The following CDK5RAP2 variants were observed in gnomAD, a reference collection of about 807,000 sequenced individuals.
CDK5RAP2 encodes the protein CDK5 regulatory subunit-associated protein 2.
CDK5RAP2 carries 147 observed loss-of-function variants against 232.9 expected under a neutral mutation model. That is an observed-to-expected ratio of 0.63 (90% CI 0.55 to 0.72). The LOEUF (loss-of-function observed/expected upper bound fraction) is 0.72. Among genes scored for constraint, CDK5RAP2 ranks in the 30% least tolerant of loss-of-function variants. The pLI is 0.00. For missense variants in CDK5RAP2, 2,195 were observed against 2,231.5 expected, an observed-to-expected ratio of 0.98 and a Z score of 0.33; for synonymous variants, 833 against 833.7, an observed-to-expected ratio of 1.00 and a Z score of 0.01.
At position 120,443,734 on chromosome 9, in the gene CDK5RAP2, G is replaced by T. The variant is rs141496431; in HGVS notation, c.3034C>A (p.Pro1012Thr). ...CTGTCCTGGTAGGCTGCTCCCACAG[G>T]GGGCTGAGCTACAGGCAATCACAAA... ...PDKTLLNAQP[P>T]VGAAYQDSPG... The change falls in exon 23 of 38, where the codon CCT (proline) becomes ACT (threonine). Residue 1012 changes from proline to threonine, a missense_variant. Pro to Thr is a conservative substitution (Grantham distance 38). Coordinates refer to ENST00000349780, the MANE Select transcript of CDK5RAP2 (RefSeq NM_018249.6). 2 of 1,614,006 alleles carry T rather than the reference G, an allele frequency of 1.2e-6. No individual in the cohort carries two copies. Among genetic ancestry groups the T allele is most frequent in the South Asian group, 2.2e-5 (2 of 91,076 alleles).
intron 12 of CDK5RAP2, among the ~76,000 whole-genome samples, chr9:120,497,421 TAAAAAAAAAAAAAA>T (rs71385064): frequency 0.02 from 464 of 23,346 alleles, 15 homozygotes; most frequent in Middle Eastern, 0.062. Flanking sequence ...AAAATAAATT[TAAAAAAAAAAAAAA>T]AAAAAAAAAA....
chr9:120,436,725 A>C lies in CDK5RAP2; in HGVS notation c.3955+570T>G, dbSNP rs557226925. Among the ~76,000 whole-genome samples the C allele has an allele frequency of 3.9e-5, 6 of 152,284 alleles. No individual in the cohort carries two copies. The East Asian group carries it at 9.6e-4, about 24-fold the overall frequency. On this transcript the variant is annotated intron_variant, in intron 25 of 37. Coordinates refer to ENST00000349780, the MANE Select transcript of CDK5RAP2 (RefSeq NM_018249.6). The stretch of plus-strand genomic sequence containing the variant: ...ATGTGGCAAATGCTAACAACTGATG[A>C]AGCTGGGTGCACAGTAAATGGGAGT...
At chr9:120,544,419 T>C (rs1288224202) in intron 5 of CDK5RAP2, among the ~76,000 whole-genome samples, 1 of 152,242 alleles carries the variant, frequency 6.6e-6, no homozygotes, top group Admixed American at 6.5e-5. Flanking sequence ...GTGATATTTA[T>C]TACTTCATTC....
At position 120,400,812 on chromosome 9, in the gene CDK5RAP2, T is replaced by C. The variant is rs2032940086; in HGVS notation, c.5381A>G (p.Tyr1794Cys). The C allele has an allele frequency of 6.2e-7, 1 of 1,614,208 alleles. No homozygotes were observed. Among genetic ancestry groups the C allele is most frequent in the Non-Finnish European group, 8.5e-7 (1 of 1,180,026 alleles). The change falls in exon 35 of 38, where the codon TAC (tyrosine) becomes TGC (cysteine). Residue 1794 changes from tyrosine (Y) to cysteine (C), a missense_variant. By Grantham distance (194) the Tyr-to-Cys change is radical. Transcript: ENST00000349780. Reference protein sequence around the residue: ...STAKLTLEEAYRRLKLLWRVS... With the variant: ...STAKLTLEEACRRLKLLWRVS... ...TCTCCAGAGAAGCTTCAGCCGCCTG[T>C]AGGCCTCTTCCAGGGTCAGCTTGGC...
rs577780969 is a variant in CDK5RAP2 at position 120,433,819 on chromosome 9, T to C, written c.3955+3476A>G. Among the ~76,000 whole-genome samples the C allele has an allele frequency of 5.9e-5, 9 of 152,254 alleles. No homozygotes were observed. In the South Asian group the frequency reaches 1.9e-3, roughly 32 times the overall value. On this transcript the variant is annotated intron_variant, in intron 25 of 37. Transcript: ENST00000349780. ...CACTCCACAAATGGTCACAGATGAG[T>C]TGCTTACTCTCACTGGGCCACACTC...
chr9:120,523,476 A>G (rs2040760895), intron 11 of CDK5RAP2, among the ~76,000 whole-genome samples: 1 of 152,234 alleles, frequency 6.6e-6, no homozygotes, highest in Admixed American at 6.5e-5. Context: ...TTCATCAACC[A>G]CTGTCAAAAC....
At chr9:120,510,470 A>G (rs2040025597) in intron 12 of CDK5RAP2, among the ~76,000 whole-genome samples, 1 of 152,180 alleles carries the variant, frequency 6.6e-6, no homozygotes, top group Non-Finnish European at 1.5e-5. Flanking sequence ...CTTCTCTCCC[A>G]CACCCACCCT....
chr9:120,397,288 T>C (rs1305601703), intron 35 of CDK5RAP2, among the ~76,000 whole-genome samples: 1 of 152,178 alleles, frequency 6.6e-6, no homozygotes, highest in Non-Finnish European at 1.5e-5. Flanking sequence ...TTCATGGCCA[T>C]ACTTACCTCT....
chr9:120,425,442 G>A (rs1224992450), intron 25 of CDK5RAP2, among the ~76,000 whole-genome samples: 2 of 152,140 alleles, frequency 1.3e-5, no homozygotes, highest in Admixed American at 6.5e-5. Flanking sequence ...CCATCTCTCA[G>A]GCAAATCTTG....
At position 120,481,322 on chromosome 9, in the gene CDK5RAP2, T is replaced by C. The variant is rs115860197; in HGVS notation, c.1627-3872A>G. On this transcript the variant is annotated intron_variant, in intron 14 of 37. Coordinates refer to ENST00000349780, the MANE Select transcript of CDK5RAP2 (RefSeq NM_018249.6). ...TGGGTGCTTGGCAAGGGTAACATCA[T>C]CACTGTCAGCCACATAAAGGTCAGC... 9.3e-3 allele frequency among the ~76,000 whole-genome samples: 1,413 copies of C among 152,138 alleles called. 24 individuals carry two copies. Among genetic ancestry groups the C allele is most frequent in the African/African-American group, 0.032 (1,337 of 41,496 alleles).
In CDK5RAP2 at chr9:120,530,216, G is replaced by A; in HGVS notation, c.663-76C>T. The A allele has an allele frequency of 4.6e-6, 5 of 1,082,694 alleles. No homozygotes were observed. The South Asian group carries it at 6.4e-5, about 14-fold the overall frequency. The allele number at this position is 1,082,694 out of a possible 1,614,324, so 67.1% of individuals were successfully genotyped here. ...AGTGGAGCTGGAGGAGGAAGGAAAT[G>A]GGGCCAGATATCTTCAAAGTAGACA... On this transcript the variant is annotated intron_variant, in intron 7 of 37. Transcript: ENST00000349780.
At chr9:120,554,866 C>T (rs1166253428) in intron 3 of CDK5RAP2, among the ~76,000 whole-genome samples, 1 of 152,076 alleles carries the variant, frequency 6.6e-6, no homozygotes. Context: ...CTCCTGACCT[C>T]GGGTGATTCT....
intron 23 of CDK5RAP2, among the ~76,000 whole-genome samples, chr9:120,442,394 C>T (rs1383026867): frequency 6.6e-6 from 1 of 152,138 alleles, no homozygotes; most frequent in Non-Finnish European, 1.5e-5. Flanking sequence ...ATTCACATCC[C>T]AAGTATCTGT....
chr9:120,521,369 A>C (rs1388870784), intron 11 of CDK5RAP2, among the ~76,000 whole-genome samples: 1 of 152,164 alleles, frequency 6.6e-6, no homozygotes, highest in Admixed American at 6.5e-5. Flanking sequence ...TCCCCACCCC[A>C]ATCTCATCCT....
chr9:120,555,042 T>C (rs759087782), intron 3 of CDK5RAP2, among the ~76,000 whole-genome samples: 13 of 147,814 alleles, frequency 8.8e-5, no homozygotes, highest in Middle Eastern at 7.0e-3. Context: ...ATAGAAAGTC[T>C]CAGTGGAGAA....
chr9:120,558,434 C>G (rs896993946), intron 3 of CDK5RAP2, among the ~76,000 whole-genome samples: 1 of 140,632 alleles, frequency 7.1e-6, no homozygotes, highest in Admixed American at 7.3e-5. Flanking sequence ...GTAACAAGAG[C>G]CCCCTTAGAC....
intron 12 of CDK5RAP2, among the ~76,000 whole-genome samples, chr9:120,508,552 G>T (rs1470124386): frequency 6.6e-6 from 1 of 152,190 alleles, no homozygotes; most frequent in African/African-American, 2.4e-5. Context: ...CTGAGCAAAG[G>T]GCTTGATGTA....
At chr9:120,464,099 G>A (rs1277520706) in intron 18 of CDK5RAP2, among the ~76,000 whole-genome samples, 1 of 152,126 alleles carries the variant, frequency 6.6e-6, no homozygotes, top group Non-Finnish European at 1.5e-5. Flanking sequence ...GAAGTTCTCA[G>A]TACTTTTTTC....
Position 120,403,156 on chromosome 9 carries a change from G to A in CDK5RAP2, c.5042-85C>T. On this transcript the variant is annotated intron_variant, in intron 33 of 37. Transcript: ENST00000349780. This position sits in a 1 kb window ranked among gnomAD's most constrained non-coding sequence, Gnocchi z 4.2. ...CTTATGATGTTGAAGCTAGCTAGGA[G>A]GGCTAGAAGAGGCCCTCGTGCCCAA... 6.8e-7 allele frequency: 1 copy of A among 1,472,774 alleles called. No individual in the cohort carries two copies. Among genetic ancestry groups the A allele is most frequent in the East Asian group, 2.3e-5 (1 of 44,080 alleles). 91.2% of individuals were successfully genotyped at this position (1,472,774 alleles called of 1,614,324 possible). A position where few individuals can be genotyped will look rare whatever the true frequency, so the allele number is the denominator to read the frequency against.
Sources: gnomAD v4.1 joint callset for allele counts (sites outside exome capture counted in the v4.1 genomes callset) on GRCh38, gnomAD v4.1.1 for gene constraint, Gnocchi (gnomAD v3.1) non-coding constraint, MANE v1.5 for transcripts, NCBI Gene and HGNC (gene_info 2026-07-23, HGNC 2026-07-21) for gene names.